The following RPS6KA2 variants were observed in gnomAD, a reference collection of about 807,000 sequenced individuals.
RPS6KA2 encodes ribosomal protein S6 kinase alpha-2.
Under a neutral mutation model 91.8 loss-of-function variants are expected in RPS6KA2, and 42 were observed. That is an observed-to-expected ratio of 0.46 (90% CI 0.36 to 0.59). The LOEUF (loss-of-function observed/expected upper bound fraction) is 0.59. Among genes scored for constraint, RPS6KA2 ranks in the 20% least tolerant of loss-of-function variants. The pLI is 0.00. For synonymous variants in RPS6KA2, 414 were observed against 393.6 expected (o/e 1.05, Z -0.61); for missense variants, 798 against 978.5 (o/e 0.82, Z 2.46).
chr6:166,438,099 T>G (rs1779397314), intron 14 of RPS6KA2, among the ~76,000 whole-genome samples: 1 of 152,214 alleles, frequency 6.6e-6, no homozygotes, highest in South Asian at 2.1e-4. Context: ...TAGGAGAGCA[T>G]GTAATCATTT....
intron 2 of RPS6KA2, among the ~76,000 whole-genome samples, chr6:166,710,586 T>C (rs973859370): frequency 4.6e-5 from 7 of 152,074 alleles, no homozygotes; most frequent in African/African-American, 1.7e-4. Flanking sequence ...CATCAAATAC[T>C]ATCTCTTTTG....
chr6:166,660,393 CGTGCGT>C (rs759480095), intron 2 of RPS6KA2, among the ~76,000 whole-genome samples: 110 of 144,712 alleles, frequency 7.6e-4, no homozygotes, highest in African/African-American at 2.0e-3. Context: ...TATGGGCATG[CGTGCGT>C]GTGTGTGTGT....
At chr6:166,676,821 T>C (rs1788634446) in intron 2 of RPS6KA2, among the ~76,000 whole-genome samples, 1 of 152,246 alleles carries the variant, frequency 6.6e-6, no homozygotes, top group South Asian at 2.1e-4. Context: ...TATCCTACAA[T>C]ACCAAACACA....
chr6:166,832,529 T>C (rs1439606429), intron 2 of RPS6KA2, among the ~76,000 whole-genome samples: 1 of 152,148 alleles, frequency 6.6e-6, no homozygotes, highest in East Asian at 1.9e-4. Context: ...AAAATGGAAA[T>C]TCTGTTGGTG....
At chr6:166,826,227 A>G (rs1780044929) in intron 2 of RPS6KA2, among the ~76,000 whole-genome samples, 1 of 152,208 alleles carries the variant, frequency 6.6e-6, no homozygotes, top group African/African-American at 2.4e-5. Context: ...TTTATATTTT[A>G]CATCTAAAAC....
chr6:166,574,439 C>G (rs1277678740), intron 1 of RPS6KA2, among the ~76,000 whole-genome samples: 1 of 152,210 alleles, frequency 6.6e-6, no homozygotes, highest in Non-Finnish European at 1.5e-5. Context: ...AATTAATTTG[C>G]TTGGGATAAT....
chr6:166,480,312 A>G (rs996384743), intron 10 of RPS6KA2, among the ~76,000 whole-genome samples: 2 of 151,932 alleles, frequency 1.3e-5, no homozygotes, highest in Non-Finnish European at 2.9e-5. Flanking sequence ...AGAAATGTAC[A>G]GGTACTGGCT....
At chr6:166,831,862 T>C (rs1375393828) in intron 2 of RPS6KA2, among the ~76,000 whole-genome samples, 2 of 151,372 alleles carry the variant, frequency 1.3e-5, no homozygotes, top group Admixed American at 1.3e-4. Flanking sequence ...TAGATACATA[T>C]ATACATAGAT....
In RPS6KA2 at chr6:166,545,998, CCTT is replaced by C. The variant is rs112362427; in HGVS notation, c.100-7217_100-7215del. Among the ~76,000 whole-genome samples, 679 of 152,268 alleles carry C rather than the reference CCTT, an allele frequency of 4.5e-3. 7 individuals carry two copies. The highest frequency in any genetic ancestry group is 0.013 in the African/African-American group (529 of 41,552). The stretch of plus-strand genomic sequence containing the variant: ...TGCTCATTCTGATAAATCCTCCAAT[CCTT>C]AACCTCCCTGGGAAACGTCAGTGTG... On this transcript the variant is annotated intron_variant, in intron 1 of 20. Transcript: ENST00000265678.
intron 12 of RPS6KA2, among the ~76,000 whole-genome samples, chr6:166,455,137 G>A (rs1056273743): frequency 6.6e-6 from 1 of 152,186 alleles, no homozygotes; most frequent in Admixed American, 6.5e-5. Context: ...GTCTGTTTAG[G>A]TGCTGTACTT....
chr6:166,455,188 A>G (rs899683531), intron 12 of RPS6KA2, among the ~76,000 whole-genome samples: 2 of 152,176 alleles, frequency 1.3e-5, no homozygotes, highest in African/African-American at 4.8e-5. Flanking sequence ...TTTTATCTCC[A>G]CACGGTGCGG....
rs1210317617 is a variant in RPS6KA2, at chr6:166,635,644, GC to G, written c.124-96861del. Among the ~76,000 whole-genome samples the G allele has an allele frequency of 6.6e-6, 1 of 152,182 alleles. No individual in the cohort carries two copies. Among genetic ancestry groups the G allele is most frequent in the East Asian group, 1.9e-4 (1 of 5,190 alleles). ...GGGGTGCTAGGTCACATGGTAGAGA[GC>G]CCCATGGAGTTTACCCCAGAAGAGG... On this transcript the variant is annotated intron_variant, in intron 2 of 21. Transcript: ENST00000503859. The surrounding 1 kb of genome is among the most constrained non-coding windows in gnomAD (Gnocchi z 4.8).
At chr6:166,809,667 A>T (rs1162230513) in intron 2 of RPS6KA2, among the ~76,000 whole-genome samples, 2 of 152,220 alleles carry the variant, frequency 1.3e-5, no homozygotes, top group Non-Finnish European at 2.9e-5. Flanking sequence ...CAGACTGACA[A>T]ATTAGGATGC....
intron 2 of RPS6KA2, among the ~76,000 whole-genome samples, chr6:166,829,991 T>C (rs1020712673): frequency 6.6e-6 from 1 of 151,532 alleles, no homozygotes; most frequent in Non-Finnish European, 1.5e-5. Flanking sequence ...CTGGGCGTAG[T>C]GGTGGGCGCC....
At chr6:166,745,619 A>G (rs1052058119) in intron 2 of RPS6KA2, among the ~76,000 whole-genome samples, 5 of 152,224 alleles carry the variant, frequency 3.3e-5, no homozygotes, top group South Asian at 2.1e-4. Context: ...AGTTCAGCCT[A>G]TAATAACAAC....
chr6:166,664,701 C>A (rs1168597928), intron 2 of RPS6KA2, among the ~76,000 whole-genome samples: 1 of 151,946 alleles, frequency 6.6e-6, no homozygotes, highest in African/African-American at 2.4e-5. Flanking sequence ...TTTTTAGTTA[C>A]AAAATTCAGT....
intron 2 of RPS6KA2, among the ~76,000 whole-genome samples, chr6:166,842,713 A>G (rs1458826166): frequency 6.6e-6 from 1 of 152,230 alleles, no homozygotes; most frequent in South Asian, 2.1e-4. Flanking sequence ...TTCTTAGCCC[A>G]ATACCCAGAG....
intron 2 of RPS6KA2, chr6:166,702,036 G>A (rs1789537132): frequency 1.1e-5 from 12 of 1,080,636 alleles, no homozygotes; most frequent in South Asian, 6.2e-5. Flanking sequence ...GTTTCCTTAC[G>A]CATAATCTCC....
chr6:166,469,746 C>A (rs562160813), intron 11 of RPS6KA2, 95 bp downstream of exon 11: 4 of 1,128,232 alleles, frequency 3.5e-6, no homozygotes, highest in Non-Finnish European at 1.3e-6. Flanking sequence ...TACTTGTGAC[C>A]CGGACACTGA....
Sources: gnomAD v4.1 joint callset for allele counts (sites outside exome capture counted in the v4.1 genomes callset) on GRCh38, gnomAD v4.1.1 for gene constraint, Gnocchi (gnomAD v3.1) non-coding constraint, MANE v1.5 for transcripts, NCBI Gene and HGNC (gene_info 2026-07-23, HGNC 2026-07-21) for gene names.